STK32A: variants seen among roughly 807,000 people sequenced by gnomAD.
STK32A encodes serine/threonine-protein kinase 32A.
STK32A carries 41 observed loss-of-function variants against 53.2 expected under a neutral mutation model. The ratio of observed to expected loss-of-function variants is 0.77; its 90% confidence interval spans 0.60 to 1.00. The LOEUF (loss-of-function observed/expected upper bound fraction) is 1.00. STK32A is among the 50% of genes least tolerant of loss of function. STK32A has a pLI of 0.00. For synonymous variants in STK32A, 166 were observed against 162.8 expected, an observed-to-expected ratio of 1.02 and a Z score of -0.15; for missense variants, 458 against 485.8, an observed-to-expected ratio of 0.94 and a Z score of 0.54.
chr5:147,269,332 G>C (rs1220909216), intron 2 of STK32A, among the ~76,000 whole-genome samples: 2 of 152,162 alleles, frequency 1.3e-5, no homozygotes, highest in African/African-American at 2.4e-5. Context: ...CTGTTACTTA[G>C]TAAGCAGTCA....
chr5:147,302,184 T>C (rs1432551502), intron 4 of STK32A, among the ~76,000 whole-genome samples: 1 of 152,198 alleles, frequency 6.6e-6, no homozygotes, highest in African/African-American at 2.4e-5. Flanking sequence ...CCCATTGTTT[T>C]CCCTATATTT....
At chr5:147,243,738 C>CACAAAAA (rs775813488) in intron 2 of STK32A, among the ~76,000 whole-genome samples, 2 of 134,680 alleles carry the variant, frequency 1.5e-5, no homozygotes, top group African/African-American at 5.5e-5. Flanking sequence ...AGACTCTGTC[C>CACAAAAA]AAAAAAAAAC....
intron 5 of STK32A, among the ~76,000 whole-genome samples, chr5:147,335,186 T>G (rs987362550): frequency 1.3e-5 from 2 of 152,188 alleles, no homozygotes; most frequent in Non-Finnish European, 2.9e-5. Context: ...GAGTTTTACA[T>G]GTACCATTTA....
Position 147,270,020 on chromosome 5 carries a change from T to C in STK32A, c.53-8104T>C, listed in dbSNP as rs142157214. Among the ~76,000 whole-genome samples, 10 of 152,304 alleles carry C rather than the reference T, an allele frequency of 6.6e-5. No homozygotes were observed. In the East Asian group the frequency reaches 1.4e-3, roughly 21 times the overall value. ...TTATGTAATTTAGTCTAAGGTTATA[T>C]GCTAGAAACATTTCAAAAACGAAAG... On this transcript the variant is annotated intron_variant, in intron 2 of 12. Coordinates refer to ENST00000397936, the MANE Select transcript of STK32A (RefSeq NM_001112724.2).
chr5:147,279,125 C>T, intron 3 of STK32A, 122 bp from the exon 4 acceptor site: 1 of 836,262 alleles, frequency 1.2e-6, no homozygotes, highest in Non-Finnish European at 1.7e-6. Flanking sequence ...GAGCTTTTAA[C>T]ATCATATAAT....
downstream of STK32A, among the ~76,000 whole-genome samples, chr5:147,389,986 A>G (rs911911800): frequency 6.6e-6 from 1 of 152,242 alleles, no homozygotes; most frequent in Non-Finnish European, 1.5e-5. Context: ...AGATCCAACT[A>G]CACTTGAGTC....
At chr5:147,311,879 T>A (rs1343815218) in intron 4 of STK32A, among the ~76,000 whole-genome samples, 3 of 151,598 alleles carry the variant, frequency 2.0e-5, no homozygotes, top group Non-Finnish European at 4.4e-5. Flanking sequence ...ATTACAAGCG[T>A]GAGTCATCTG....
At chr5:147,313,986 G>C (rs1285835146) in intron 4 of STK32A, among the ~76,000 whole-genome samples, 2 of 151,952 alleles carry the variant, frequency 1.3e-5, no homozygotes, top group Admixed American at 1.3e-4. Context: ...AAATACAGAA[G>C]TAGATGATCA....
chr5:147,306,651 A>G (rs1448397190), intron 4 of STK32A, among the ~76,000 whole-genome samples: 1 of 151,968 alleles, frequency 6.6e-6, no homozygotes, highest in African/African-American at 2.4e-5. Context: ...GCTTCCTAGC[A>G]CTGGAATGTC....
intron 4 of STK32A, among the ~76,000 whole-genome samples, chr5:147,279,628 T>A (rs1432590998): frequency 6.6e-6 from 1 of 151,912 alleles, no homozygotes; most frequent in Non-Finnish European, 1.5e-5. Flanking sequence ...CCAGCGAATG[T>A]CATGTAAGGG....
intron 8 of STK32A, among the ~76,000 whole-genome samples, chr5:147,362,924 CTTTTTTTTTTAA>C (rs1756574712): frequency 6.8e-6 from 1 of 148,104 alleles, no homozygotes; most frequent in Admixed American, 6.7e-5. Flanking sequence ...TCTACAACAC[CTTTTTTTTTTAA>C]TTAGCCAGGC....
intron 4 of STK32A, among the ~76,000 whole-genome samples, chr5:147,295,086 G>A (rs2151963235): frequency 6.6e-6 from 1 of 152,262 alleles, no homozygotes. Flanking sequence ...TTTTATGCCA[G>A]TATTTATAGA....
chr5:147,398,219 C>G, the STK32A span, among the ~76,000 whole-genome samples: 1 of 152,126 alleles, frequency 6.6e-6, no homozygotes, highest in Admixed American at 6.6e-5. Context: ...AATTAAATAA[C>G]ATGAGATGAC....
intron 2 of STK32A, among the ~76,000 whole-genome samples, chr5:147,251,285 A>G (rs965033368): frequency 2.0e-5 from 3 of 152,212 alleles, no homozygotes; most frequent in Non-Finnish European, 4.4e-5. Context: ...CTCCATATCC[A>G]GATATTGAGT....
chr5:147,327,572 G>A (rs768549791), intron 5 of STK32A, among the ~76,000 whole-genome samples: 2 of 152,316 alleles, frequency 1.3e-5, no homozygotes, highest in East Asian at 1.9e-4. Flanking sequence ...TCAGCACTAC[G>A]TGGAAGTAGG....
chr5:147,346,984 T>A (rs185082032), intron 6 of STK32A, among the ~76,000 whole-genome samples: 99 of 152,318 alleles, frequency 6.5e-4, no homozygotes, highest in Admixed American at 2.0e-3. Flanking sequence ...GTGGACAGTG[T>A]CCTTTTAAAA....
At chr5:147,289,625 G>A (rs1331122615) in intron 4 of STK32A, among the ~76,000 whole-genome samples, 1 of 151,396 alleles carries the variant, frequency 6.6e-6, no homozygotes, top group Non-Finnish European at 1.5e-5. Flanking sequence ...TCATATATAT[G>A]TATTATATAT....
intron 5 of STK32A, among the ~76,000 whole-genome samples, chr5:147,324,298 G>T (rs1581095006): frequency 6.6e-6 from 1 of 152,292 alleles, no homozygotes; most frequent in East Asian, 1.9e-4. Context: ...CACAATCAAT[G>T]AATTTTGGTA....
At chr5:147,360,475 A>AAAAGAAAG (rs142486199) in intron 7 of STK32A, among the ~76,000 whole-genome samples, 10 of 143,308 alleles carry the variant, frequency 7.0e-5, no homozygotes, top group African/African-American at 2.5e-4. Flanking sequence ...AAAGAAAAAA[A>AAAAGAAAG]AAAGAAAGAA....
Sources: gnomAD v4.1 joint callset for allele counts (sites outside exome capture counted in the v4.1 genomes callset) on GRCh38, gnomAD v4.1.1 for gene constraint, MANE v1.5 for transcripts, NCBI Gene and HGNC (gene_info 2026-07-23, HGNC 2026-07-21) for gene names.